Variants in GPHN observed in about 807,000 individuals in gnomAD.
GPHN encodes the protein gephyrin.
A neutral mutation model predicts 95.5 loss-of-function variants in GPHN; 17 were observed. That is an observed-to-expected ratio of 0.18 (90% CI 0.12 to 0.27). GPHN has a LOEUF of 0.27. GPHN is among the 10% of genes least tolerant of loss of function. GPHN has a pLI of 1.00. For synonymous variants in GPHN, 320 were observed against 322.5 expected (o/e 0.99, Z 0.08); for missense variants, 660 against 978.1 (o/e 0.67, Z 4.34).
chr14:67,579,189 C>A, the GPHN span: 5 of 1,609,580 alleles, frequency 3.1e-6, no homozygotes, highest in Non-Finnish European at 4.2e-6. Flanking sequence ...GCGGACCCTG[C>A]GGACCGGGGA....
the GPHN span, among the ~76,000 whole-genome samples, chr14:67,604,008 T>G: frequency 6.8e-4 from 104 of 152,166 alleles, 2 homozygotes; most frequent in Admixed American, 1.9e-3. Context: ...TTTTGTTTTT[T>G]TTTTGAGACA....
At position 67,181,448 on chromosome 14, in the gene GPHN, C is replaced by T. The variant is rs115551685; in HGVS notation, c.*511C>T. The T allele has an allele frequency of 5.7e-4, 294 of 516,670 alleles. No individual in the cohort carries two copies. The highest frequency in any genetic ancestry group is 5.0e-3 in the African/African-American group (264 of 52,824). 32.0% of individuals were successfully genotyped at this position (516,670 alleles called of 1,614,324 possible). A position where few individuals can be genotyped will look rare whatever the true frequency, so the allele number is the denominator to read the frequency against. Reference sequence around the variant, plus strand: ...CAAAAGAAGACTGACTGGGTGGAGGCTCTGCCTTGCCTCAAGAACCATCCC... The same window carrying T: ...CAAAAGAAGACTGACTGGGTGGAGGTTCTGCCTTGCCTCAAGAACCATCCC... On this transcript the variant is annotated 3_prime_UTR_variant, in exon 23 of 23. Transcript: ENST00000478722.
At chr14:66,818,942 T>C (rs1184570861) in intron 3 of GPHN, among the ~76,000 whole-genome samples, 3 of 152,222 alleles carry the variant, frequency 2.0e-5, no homozygotes, top group Admixed American at 6.5e-5. Flanking sequence ...ATGGGTTTTT[T>C]CCCTGTAAAT....
At chr14:67,043,909 A>G (rs1338005655) in intron 10 of GPHN, among the ~76,000 whole-genome samples, 1 of 152,122 alleles carries the variant, frequency 6.6e-6, no homozygotes, top group Non-Finnish European at 1.5e-5. Flanking sequence ...AGAACTTGTT[A>G]ATGGTTTATT....
intron 2 of GPHN, among the ~76,000 whole-genome samples, chr14:66,742,581 G>C (rs1032422809): frequency 6.6e-6 from 1 of 152,118 alleles, no homozygotes; most frequent in Non-Finnish European, 1.5e-5. Flanking sequence ...ACAGTTTTTA[G>C]CAGCCATGAT....
chr14:66,529,730 T>G (rs1275437190), intron 1 of GPHN, among the ~76,000 whole-genome samples: 1 of 152,206 alleles, frequency 6.6e-6, no homozygotes, highest in African/African-American at 2.4e-5. Flanking sequence ...GCCTCTCTGC[T>G]GAAGGTCTGC....
At chr14:67,245,820 C>A in the GPHN span, among the ~76,000 whole-genome samples, 2 of 150,366 alleles carry the variant, frequency 1.3e-5, no homozygotes, top group Non-Finnish European at 2.9e-5. Context: ...AATATTGTAT[C>A]TAAGAACTCT....
chr14:67,640,278 A>G, the GPHN span, among the ~76,000 whole-genome samples: 3 of 152,086 alleles, frequency 2.0e-5, no homozygotes, highest in African/African-American at 7.2e-5. Context: ...TTATATGACT[A>G]TTTCTTAAAG....
At chr14:67,692,783 G>A in the GPHN span, 11 of 863,100 alleles carry the variant, frequency 1.3e-5, no homozygotes, top group Admixed American at 5.0e-5. Flanking sequence ...ATTATATGTA[G>A]AGCATAGTAC....
At chr14:67,724,684 G>C in the GPHN span, 1 of 977,482 alleles carries the variant, frequency 1.0e-6, no homozygotes, top group Non-Finnish European at 1.6e-6. Context: ...TTTCCTCCTA[G>C]GCTTGGGGGC....
chr14:67,525,130 G>A, the GPHN span, among the ~76,000 whole-genome samples: 1 of 152,026 alleles, frequency 6.6e-6, no homozygotes, highest in Non-Finnish European at 1.5e-5. Context: ...ATATAGAAAA[G>A]AACAAAGCAG....
chr14:67,648,318 TTA>T, the GPHN span: 1 of 967,474 alleles, frequency 1.0e-6, no homozygotes, highest in African/African-American at 1.7e-5. Context: ...TAGCTAAAAA[TTA>T]TATGGCCATG....
intron 9 of GPHN, among the ~76,000 whole-genome samples, chr14:66,995,176 G>A (rs556518583): frequency 2.0e-5 from 3 of 152,214 alleles, no homozygotes; most frequent in East Asian, 1.9e-4. Flanking sequence ...ACAACCTAAC[G>A]AGAAAAGAGT....
At chr14:67,126,258 A>T (rs2153694535) in intron 17 of GPHN, among the ~76,000 whole-genome samples, 1 of 152,350 alleles carries the variant, frequency 6.6e-6, no homozygotes, top group South Asian at 2.1e-4. Context: ...TAACTTGCCC[A>T]GCATTATACT....
chr14:66,813,758 G>T (rs1329183790), intron 3 of GPHN, among the ~76,000 whole-genome samples: 1 of 152,186 alleles, frequency 6.6e-6, no homozygotes, highest in East Asian at 1.9e-4. Context: ...GACCTGATCT[G>T]TCCAGGGAAG....
chr14:66,876,427 C>CA (rs1200593573), intron 4 of GPHN, among the ~76,000 whole-genome samples: 1 of 151,728 alleles, frequency 6.6e-6, no homozygotes, highest in Non-Finnish European at 1.5e-5. Flanking sequence ...GATAGAGACA[C>CA]AAAAAACCTT....
chr14:67,374,856 A>C, the GPHN span, among the ~76,000 whole-genome samples: 4 of 152,168 alleles, frequency 2.6e-5, no homozygotes, highest in African/African-American at 9.7e-5. Flanking sequence ...CTTGAGCCTC[A>C]GCCCTCCAAA....
chr14:67,606,926 G>A, the GPHN span, among the ~76,000 whole-genome samples: 3 of 152,090 alleles, frequency 2.0e-5, no homozygotes, highest in East Asian at 3.9e-4. Context: ...GATTACAGGC[G>A]TGAGCCACCC....
chr14:67,585,788 CTCTAG>C, the GPHN span: 7 of 1,009,040 alleles, frequency 6.9e-6, 1 homozygote, highest in Non-Finnish European at 1.0e-5. Flanking sequence ...AGCACCAGTC[CTCTAG>C]TCTAGACACT....
Sources: allele counts gnomAD v4.1 joint callset (sites outside exome capture counted in the v4.1 genomes callset), GRCh38; gene constraint gnomAD v4.1.1; transcripts MANE v1.5; gene names NCBI Gene and HGNC (gene_info 2026-07-23, HGNC 2026-07-21).